Variants in PRKRA observed in about 807,000 individuals in gnomAD.
PRKRA encodes interferon-inducible double-stranded RNA-dependent protein kinase activator A.
PRKRA carries 22 observed loss-of-function variants against 32.4 expected under a neutral mutation model. The ratio of observed to expected loss-of-function variants is 0.68; its 90% CI spans 0.49 to 0.97. The LOEUF (loss-of-function observed/expected upper bound fraction) is 0.97, where lower values mean the gene tolerates loss of function less well. Ranked by LOEUF, PRKRA falls within the 50% of genes least tolerant of loss-of-function variation. The pLI is 0.00. For missense variants in PRKRA, 319 were observed against 375.6 expected (o/e 0.85, Z 1.25); for synonymous variants, 139 against 129.8 (o/e 1.07, Z -0.48).
chr2:178,447,365 G>C, intron 3 of PRKRA, 140 bp downstream of exon 3: 1 of 1,436,220 alleles, frequency 7.0e-7, no homozygotes, highest in Non-Finnish European at 9.4e-7. Flanking sequence ...TGGATGATAA[G>C]TTTTCATAAG....
At chr2:178,444,848 C>T in intron 3 of PRKRA, among the ~76,000 whole-genome samples, 1 of 152,224 alleles carries the variant, frequency 6.6e-6, no homozygotes, top group East Asian at 1.9e-4. Flanking sequence ...CACCTCTCCC[C>T]TGTTCAGACA....
Position 178,436,208 on chromosome 2 carries a change from A to G in PRKRA, c.721T>C (p.Tyr241His), listed in dbSNP as rs759380718. The part of the protein sequence containing the change: ...RSLLSIPNTD[Y>H]IQLLSEIAKE... ...GCAATTTCACTAAGCAGCTGGATGT[A>G]ATCTGTATTTGGAATACTAAGGAGG... is the stretch of plus-strand genomic sequence containing the variant. Residue 241 changes from tyrosine (Y) to histidine (H), a missense_variant, in exon 7 of 8, where the codon TAC becomes CAC. Physicochemically the swap from Tyr to His is moderately conservative, Grantham distance 83. Coordinates refer to ENST00000325748, the MANE Select transcript of PRKRA (RefSeq NM_003690.5). 3 of 1,612,786 alleles carry G rather than the reference A, an allele frequency of 1.9e-6. No individual in the cohort carries two copies. The Middle Eastern group carries it at 5.0e-4, about 266-fold the overall frequency.
rs1696658641 is a variant in PRKRA at position 178,431,731 on chromosome 2, C to T, written c.*366G>A. The T allele has an allele frequency of 3.4e-6, 1 of 293,136 alleles. No individual in the cohort carries two copies. The highest frequency in any genetic ancestry group is 2.2e-5 in the African/African-American group (1 of 45,768). The allele number at this position is 293,136 out of a possible 1,614,324, so 18.2% of individuals were successfully genotyped here. Reference sequence around the variant, plus strand: ...ATTCTAAAGGGCTTCCTTTGAATTCCCTTTATAAAGCTTTGTGCAAAGAAG... The same window carrying T: ...ATTCTAAAGGGCTTCCTTTGAATTCTCTTTATAAAGCTTTGTGCAAAGAAG... On this transcript the variant is annotated 3_prime_UTR_variant, in exon 8 of 8. Transcript: ENST00000325748.
chr2:178,450,592 C>A, intron 1 of PRKRA, 181 bp from the exon 2 acceptor site: 1 of 1,487,642 alleles, frequency 6.7e-7, no homozygotes, highest in Non-Finnish European at 8.9e-7. Flanking sequence ...GGCAGTCACT[C>A]CGCAGGAGCA....
intron 7 of PRKRA, chr2:178,433,847 T>C (rs1411890816): frequency 6.6e-6 from 1 of 152,186 alleles, no homozygotes; most frequent in Non-Finnish European, 1.5e-5. Context: ...GCATATAAAC[T>C]AGCCAAATTA....
chr2:178,440,312 G>T (rs1282414074), intron 6 of PRKRA: 6 of 152,112 alleles, frequency 3.9e-5, no homozygotes, highest in Admixed American at 3.9e-4. Context: ...GCTCAGTGAA[G>T]AAGTTGCTAC....
At chr2:178,434,424 CTTTTT>C (rs561589631) in intron 7 of PRKRA, among the ~76,000 whole-genome samples, 47 of 138,056 alleles carry the variant, frequency 3.4e-4, no homozygotes, top group Admixed American at 8.7e-4. Context: ...AGCCTCTTTT[CTTTTT>C]TTTTTTTGAG....
intron 5 of PRKRA, 119 bp downstream of exon 5, chr2:178,443,146 TAA>T (rs930878220): frequency 2.4e-4 from 167 of 708,794 alleles, no homozygotes; most frequent in Non-Finnish European, 3.7e-4. Context: ...TCAGAGACAA[TAA>T]AAGAGGAGTG....
In PRKRA at chr2:178,450,397, A is replaced by T. The variant is rs780703241; in HGVS notation, c.80T>A (p.Ile27Lys). 1 of 1,614,254 alleles carries T rather than the reference A, an allele frequency of 6.2e-7. No individual in the cohort carries two copies. ...DSGTFSLGKMITAKPGKTPIQ... is the reference protein window; with the variant it reads ...DSGTFSLGKMKTAKPGKTPIQ... Reference sequence around the variant, plus strand: ...CGGTGTTTTCCCTGGCTTAGCTGTTATCATCTTCCCCAAACTGCAAAAACC... The same window carrying T: ...CGGTGTTTTCCCTGGCTTAGCTGTTTTCATCTTCCCCAAACTGCAAAAACC... Residue 27 changes from isoleucine to lysine, a missense_variant, in exon 2 of 8, where the codon ATA (isoleucine) becomes AAA (lysine). Transcript: ENST00000325748.
chr2:178,438,690 T>TTTTTCGAGTTG (rs1319883220), intron 6 of PRKRA, among the ~76,000 whole-genome samples: 7 of 151,622 alleles, frequency 4.6e-5, no homozygotes, highest in African/African-American at 1.5e-4. Flanking sequence ...GGTTTTTTTT[T>TTTTTCGAGTTG]TTTTCGAGTT....
intron 3 of PRKRA, chr2:178,445,385 C>A (rs1697280867): frequency 6.6e-6 from 1 of 152,134 alleles, no homozygotes; most frequent in African/African-American, 2.4e-5. Context: ...GTGAGAATTT[C>A]AAGCTTTACA....
In PRKRA at chr2:178,451,076, C is replaced by A; in HGVS notation, c.-46G>T. ...CGGCTGGAGGAAGAGCGGTGCGGAG[C>A]GACGTGCTCGCTCCCCGGGTCGCTG... is the stretch of plus-strand genomic sequence containing the variant. On this transcript the variant is annotated 5_prime_UTR_variant, in exon 1 of 8. Coordinates refer to ENST00000325748, the MANE Select transcript of PRKRA (RefSeq NM_003690.5). 6.5e-7 allele frequency: 1 copy of A among 1,535,078 alleles called. No individual in the cohort carries two copies. The highest frequency in any genetic ancestry group is 8.7e-7 in the Non-Finnish European group (1 of 1,144,648).
intron 6 of PRKRA, among the ~76,000 whole-genome samples, chr2:178,437,926 C>T (rs559040183): frequency 6.6e-6 from 1 of 152,202 alleles, no homozygotes; most frequent in East Asian, 1.9e-4. Flanking sequence ...AACTCTCAAA[C>T]TCTTGGGCTC....
At chr2:178,435,320 T>C (rs1575086774) in intron 7 of PRKRA, among the ~76,000 whole-genome samples, 1 of 145,106 alleles carries the variant, frequency 6.9e-6, no homozygotes, top group Admixed American at 7.0e-5. Context: ...GAGGCAGAGG[T>C]TGCAGTGAGT....
At chr2:178,438,010 A>G (rs1696969970) in intron 6 of PRKRA, among the ~76,000 whole-genome samples, 1 of 152,186 alleles carries the variant, frequency 6.6e-6, no homozygotes, top group Non-Finnish European at 1.5e-5. Flanking sequence ...GCAGATGTGT[A>G]CAAAAGAGCT....
chr2:178,433,707 C>T (rs1175909937), intron 7 of PRKRA: 1 of 152,110 alleles, frequency 6.6e-6, no homozygotes, highest in African/African-American at 2.4e-5. Flanking sequence ...CAGGTGGTCT[C>T]AAACTCCTGG....
chr2:178,450,581 C>CG, intron 1 of PRKRA, 170 bp from the exon 2 acceptor site: 1 of 1,499,882 alleles, frequency 6.7e-7, no homozygotes, highest in Non-Finnish European at 8.8e-7. Context: ...GGCCCCGCTG[C>CG]GGCAGTCACT....
Position 178,451,080 on chromosome 2 carries a change from G to T in PRKRA, c.-50C>A. 1.3e-6 allele frequency: 2 copies of T among 1,530,180 alleles called. No homozygotes were observed. Among genetic ancestry groups the T allele is most frequent in the Non-Finnish European group, 1.8e-6 (2 of 1,141,232 alleles). 94.8% of individuals were successfully genotyped at this position (1,530,180 alleles called of 1,614,324 possible). A position where few individuals can be genotyped will look rare whatever the true frequency, so the allele number is the denominator to read the frequency against. ...TGGAGGAAGAGCGGTGCGGAGCGAC[G>T]TGCTCGCTCCCCGGGTCGCTGGTCC... is the stretch of plus-strand genomic sequence containing the variant. On this transcript the variant is annotated 5_prime_UTR_variant, in exon 1 of 8. Transcript: ENST00000325748.
chr2:178,445,588 G>A (rs1381656479), intron 3 of PRKRA: 1 of 154,532 alleles, frequency 6.5e-6, no homozygotes, highest in East Asian at 1.9e-4. Context: ...TGCTGACAAA[G>A]TGCCAAGATG....
Sources: allele counts gnomAD v4.1 joint callset (sites outside exome capture counted in the v4.1 genomes callset), GRCh38; gene constraint gnomAD v4.1.1; transcripts MANE v1.5; gene names NCBI Gene and HGNC (gene_info 2026-07-23, HGNC 2026-07-21).